PDE8A: variants seen among roughly 807,000 people sequenced by gnomAD.
The protein encoded by PDE8A is high affinity cAMP-specific and IBMX-insensitive 3',5'-cyclic phosphodiesterase 8A.
PDE8A carries 59 observed loss-of-function variants against 105.0 expected under a neutral mutation model. The ratio of observed to expected loss-of-function variants is 0.56; its 90% confidence interval spans 0.46 to 0.70. The LOEUF (loss-of-function observed/expected upper bound fraction) is 0.70. Among genes scored for constraint, PDE8A ranks in the 30% least tolerant of loss-of-function variants. The probability of loss-of-function intolerance (pLI) is 0.00; values close to 1 mark genes in which losing one functional copy is unlikely to be tolerated. For missense variants in PDE8A, 1,014 were observed against 1,045.9 expected, an observed-to-expected ratio of 0.97 and a Z score of 0.42; for synonymous variants, 355 against 371.9, an observed-to-expected ratio of 0.95 and a Z score of 0.52.
intron 12 of PDE8A, among the ~76,000 whole-genome samples, chr15:85,111,043 A>G (rs1287092889): frequency 6.6e-6 from 1 of 152,148 alleles, no homozygotes; most frequent in African/African-American, 2.4e-5. Context: ...CTGAAGTGTC[A>G]TTCAGGTCTT....
intron 1 of PDE8A, among the ~76,000 whole-genome samples, chr15:85,005,782 G>A (rs547892422): frequency 2.0e-5 from 3 of 151,918 alleles, no homozygotes; most frequent in Non-Finnish European, 2.9e-5. Flanking sequence ...GCCCTCTCTC[G>A]TTTTGTTTCA....
At chr15:85,048,274 T>C (rs1247600003) in intron 1 of PDE8A, among the ~76,000 whole-genome samples, 3 of 152,170 alleles carry the variant, frequency 2.0e-5, no homozygotes, top group African/African-American at 7.2e-5. Context: ...TTTAGGAATA[T>C]ATTTTAAGGG....
chr15:85,068,230 G>A (rs1288796211), intron 3 of PDE8A, among the ~76,000 whole-genome samples: 3 of 151,944 alleles, frequency 2.0e-5, no homozygotes, highest in African/African-American at 7.3e-5. Flanking sequence ...AATAGAGACG[G>A]TGTTTGACCA....
chr15:84,980,630 G>T (rs2079691262), upstream of PDE8A: 1 of 152,368 alleles, frequency 6.6e-6, no homozygotes, highest in African/African-American at 2.4e-5. Flanking sequence ...ATACGTGATG[G>T]ACGCCCAGAG....
At chr15:85,051,389 A>G (rs1302004967) in intron 1 of PDE8A, among the ~76,000 whole-genome samples, 1 of 152,220 alleles carries the variant, frequency 6.6e-6, no homozygotes, top group Admixed American at 6.5e-5. Context: ...CTTAGAGGAA[A>G]AGTCCTTTAC....
chr15:85,082,523 T>G (rs1260010452), intron 5 of PDE8A, among the ~76,000 whole-genome samples: 1 of 152,150 alleles, frequency 6.6e-6, no homozygotes, highest in Non-Finnish European at 1.5e-5. Context: ...AAGGGCTAGA[T>G]TTTTAGGTTG....
intron 11 of PDE8A, among the ~76,000 whole-genome samples, chr15:85,100,409 G>A (rs997986224): frequency 1.5e-4 from 23 of 152,254 alleles, no homozygotes; most frequent in African/African-American, 5.3e-4. Flanking sequence ...CCTGGGGCGG[G>A]TCTCTGAGCC....
At chr15:85,117,889 A>T in intron 17 of PDE8A, 50 bp downstream of exon 17, 1 of 1,402,574 alleles carries the variant, frequency 7.1e-7, no homozygotes, top group South Asian at 1.2e-5. Flanking sequence ...CAGTGGGGAG[A>T]GTCTAGTGCT....
chr15:85,115,443 G>T lies in PDE8A; in HGVS notation c.1355G>T (p.Gly452Val). The change falls in exon 15 of 22, where the codon GGT becomes GTT. Residue 452 changes from glycine to valine, a missense_variant. By Grantham distance (109) the Gly-to-Val change is moderately radical. Transcript: ENST00000394553. ...TGTTTCCTTGATTTTTATCAGGATG[G>T]TTTGCGAAGACTATCAGGGAATGAA... ...NDLVGGLMSD[G>V]LRRLSGNEYV... The T allele has an allele frequency of 6.5e-7, 1 of 1,540,004 alleles. No individual in the cohort carries two copies. Among genetic ancestry groups the T allele is most frequent in the South Asian group, 1.2e-5 (1 of 80,956 alleles).
chr15:85,126,263 G>T lies in PDE8A; in HGVS notation c.2142G>T (p.Arg714=), dbSNP rs1016628676. ...CTATGCTTAGGACTCCAGAGAACCG[G>T]ACCCTAATCAAACGAATGCTGATTA... ...INTMLRTPEN[R]TLIKRMLIKC... is the part of the protein sequence containing the mutation. Residue 714 remains arginine, a synonymous_variant, in exon 20 of 22, where the codon CGG becomes CGT. Transcript: ENST00000394553. 1.2e-6 allele frequency: 2 copies of T among 1,612,966 alleles called. No homozygotes were observed. The highest frequency in any genetic ancestry group is 2.7e-5 in the African/African-American group (2 of 74,840).
chr15:85,084,700 TA>T (rs1018822891), intron 6 of PDE8A, among the ~76,000 whole-genome samples: 9 of 152,222 alleles, frequency 5.9e-5, no homozygotes, highest in Non-Finnish European at 8.8e-5. Flanking sequence ...CAAGATCTTG[TA>T]AGCAGCAAAT....
At chr15:85,008,693 G>A (rs1596436687) in intron 1 of PDE8A, among the ~76,000 whole-genome samples, 2 of 152,094 alleles carry the variant, frequency 1.3e-5, no homozygotes, top group Non-Finnish European at 2.9e-5. Flanking sequence ...CCAAGGGTGC[G>A]AGCCTATCAC....
chr15:85,054,916 T>C (rs2081036346), intron 1 of PDE8A, among the ~76,000 whole-genome samples: 1 of 152,240 alleles, frequency 6.6e-6, no homozygotes, highest in African/African-American at 2.4e-5. Flanking sequence ...GTGTCAGTTT[T>C]AGATCTTTTC....
chr15:85,007,639 C>T (rs10083650), intron 1 of PDE8A, among the ~76,000 whole-genome samples: 13,052 of 151,920 alleles, frequency 0.086, 1,541 homozygotes, highest in African/African-American at 0.27. Flanking sequence ...GGGCAAATTA[C>T]TTAACCTGTT....
chr15:85,021,507 A>G (rs1471217232), intron 1 of PDE8A, among the ~76,000 whole-genome samples: 1 of 152,106 alleles, frequency 6.6e-6, no homozygotes, highest in Non-Finnish European at 1.5e-5. Flanking sequence ...GCAGTGAGCT[A>G]TGATCGTGCC....
chr15:84,999,484 C>A (rs2080032076), intron 1 of PDE8A, among the ~76,000 whole-genome samples: 1 of 152,150 alleles, frequency 6.6e-6, no homozygotes, highest in Non-Finnish European at 1.5e-5. Context: ...TGGTGCTTAC[C>A]ATGGGCTAGG....
chr15:84,993,335 T>C (rs947147975), intron 1 of PDE8A, among the ~76,000 whole-genome samples: 26 of 147,672 alleles, frequency 1.8e-4, no homozygotes, highest in Non-Finnish European at 3.0e-4. Flanking sequence ...CCCAGCTACT[T>C]GGGAGGCTGA....
At chr15:85,014,464 G>A (rs1225251968) in intron 1 of PDE8A, among the ~76,000 whole-genome samples, 1 of 152,148 alleles carries the variant, frequency 6.6e-6, no homozygotes, top group Non-Finnish European at 1.5e-5. Flanking sequence ...GCATAGGCAG[G>A]ATAAATGCTT....
chr15:85,095,184 G>C (rs1194597736), intron 8 of PDE8A, among the ~76,000 whole-genome samples: 1 of 152,068 alleles, frequency 6.6e-6, no homozygotes, highest in Non-Finnish European at 1.5e-5. Flanking sequence ...TTGGCCTGGA[G>C]AAAGAGGCCT....
Sources: gnomAD v4.1 joint callset for allele counts (sites outside exome capture counted in the v4.1 genomes callset) on GRCh38, gnomAD v4.1.1 for gene constraint, MANE v1.5 for transcripts, NCBI Gene and HGNC (gene_info 2026-07-23, HGNC 2026-07-21) for gene names.